The following DLGAP2 variants were observed in gnomAD, a reference collection of about 807,000 sequenced individuals.
The protein encoded by DLGAP2 is DLG associated protein 2.
Under a neutral mutation model 100.3 loss-of-function variants are expected in DLGAP2, and 26 were observed. The observed-to-expected ratio is 0.26, with a 90% CI of 0.19 to 0.36. The LOEUF (loss-of-function observed/expected upper bound fraction) is 0.36. Ranked by LOEUF, DLGAP2 falls within the 10% of genes least tolerant of loss-of-function variation. The probability of loss-of-function intolerance (pLI) is 1.00; values close to 1 mark genes in which losing one functional copy is unlikely to be tolerated. For synonymous variants in DLGAP2, 886 were observed against 630.1 expected (o/e 1.41, Z -6.08); for missense variants, 1,858 against 1,453.2 (o/e 1.28, Z -4.53).
At chr8:1,411,836 C>G (rs1290648263) in intron 3 of DLGAP2, among the ~76,000 whole-genome samples, 2 of 152,218 alleles carry the variant, frequency 1.3e-5, no homozygotes, top group Admixed American at 1.3e-4. Context: ...CTAATCAGCT[C>G]TGCCCTCATG....
chr8:1,358,222 C>T (rs7814654), intron 3 of DLGAP2, among the ~76,000 whole-genome samples: 13,680 of 152,126 alleles, frequency 0.09, 777 homozygotes, highest in East Asian at 0.22. Flanking sequence ...GAAGGGGCTG[C>T]GAAAGGTTTG....
intron 1 of DLGAP2, among the ~76,000 whole-genome samples, chr8:899,511 C>A (rs1199086881): frequency 6.6e-6 from 1 of 152,184 alleles, no homozygotes; most frequent in Non-Finnish European, 1.5e-5. Context: ...GAGTTCTGGT[C>A]CTGGCCTCTC....
chr8:1,588,495 C>A (rs1462574003), intron 6 of DLGAP2, among the ~76,000 whole-genome samples: 2 of 152,034 alleles, frequency 1.3e-5, no homozygotes, highest in Non-Finnish European at 2.9e-5. Flanking sequence ...CGTATGATGC[C>A]TAATTTATGA....
chr8:1,471,524 C>T (rs1798791044), intron 3 of DLGAP2, among the ~76,000 whole-genome samples: 1 of 146,216 alleles, frequency 6.8e-6, no homozygotes, highest in Non-Finnish European at 1.5e-5. Context: ...GCGATGCCCT[C>T]CCCTCCCCTC....
chr8:914,510 T>C (rs969018815), intron 2 of DLGAP2, among the ~76,000 whole-genome samples: 2 of 152,258 alleles, frequency 1.3e-5, no homozygotes, highest in African/African-American at 4.8e-5. Context: ...GGCTTGCTTC[T>C]AGCATGGATG....
At chr8:929,708 G>A (rs997980489) in intron 2 of DLGAP2, among the ~76,000 whole-genome samples, 6 of 117,582 alleles carry the variant, frequency 5.1e-5, no homozygotes, top group South Asian at 3.2e-4. Flanking sequence ...ATCCCACACC[G>A]CGGTACTCAA....
intron 2 of DLGAP2, among the ~76,000 whole-genome samples, chr8:1,000,412 G>A (rs373458586): frequency 2.7e-5 from 4 of 150,390 alleles, no homozygotes; most frequent in African/African-American, 4.9e-5. Context: ...CTTTTGCACC[G>A]GATTTTCTCT....
chr8:1,635,927 A>G (rs1797754978), intron 8 of DLGAP2, among the ~76,000 whole-genome samples: 2 of 152,200 alleles, frequency 1.3e-5, no homozygotes, highest in Non-Finnish European at 2.9e-5. Flanking sequence ...GATCGAGCTG[A>G]GACAGACCCT....
intron 2 of DLGAP2, among the ~76,000 whole-genome samples, chr8:1,208,655 G>T (rs1180693660): frequency 6.6e-6 from 1 of 151,972 alleles, no homozygotes; most frequent in African/African-American, 2.4e-5. Flanking sequence ...AAGAAATTAA[G>T]GGCATCCAAA....
At chr8:1,127,269 T>G (rs1796188852) in intron 2 of DLGAP2, among the ~76,000 whole-genome samples, 1 of 151,742 alleles carries the variant, frequency 6.6e-6, no homozygotes, top group Admixed American at 6.6e-5. Context: ...CTGGGCTCAT[T>G]GGGGTGACTC....
intron 8 of DLGAP2, among the ~76,000 whole-genome samples, chr8:1,659,333 A>G (rs1158423307): frequency 6.6e-6 from 1 of 152,106 alleles, no homozygotes; most frequent in Non-Finnish European, 1.5e-5. Flanking sequence ...TTTGGGGTAG[A>G]GAGTTCTGTA....
At chr8:1,130,087 GT>G (rs1796256387) in intron 2 of DLGAP2, among the ~76,000 whole-genome samples, 1 of 1,844 alleles carries the variant, frequency 5.4e-4, no homozygotes, top group African/African-American at 2.9e-3. Context: ...AAGGGATCGT[GT>G]CAGACACTTC....
chr8:1,509,324 C>T (rs1252107544), intron 4 of DLGAP2, among the ~76,000 whole-genome samples: 1 of 94,814 alleles, frequency 1.1e-5, no homozygotes, highest in African/African-American at 4.0e-5. Context: ...AGCAAGACTC[C>T]GTCCAAAAAA....
At chr8:1,549,725 C>T (rs1453628370) in intron 5 of DLGAP2, 42 bp downstream of exon 5, 2 of 1,486,904 alleles carry the variant, frequency 1.3e-6, no homozygotes, top group African/African-American at 1.4e-5. Context: ...CTCGGCACAG[C>T]AGGTGGTATT....
chr8:1,264,540 G>T (rs762819436), intron 3 of DLGAP2, among the ~76,000 whole-genome samples: 2 of 152,100 alleles, frequency 1.3e-5, no homozygotes, highest in Non-Finnish European at 2.9e-5. Flanking sequence ...TGTTGCAGAA[G>T]GACCACATGA....
intron 2 of DLGAP2, among the ~76,000 whole-genome samples, chr8:1,249,205 C>T (rs1268009596): frequency 1.3e-5 from 2 of 152,126 alleles, no homozygotes; most frequent in African/African-American, 4.8e-5. Flanking sequence ...AAGAACTCCA[C>T]AGGCTCAGAA....
At chr8:1,503,592 C>G (rs1477456965) in intron 4 of DLGAP2, among the ~76,000 whole-genome samples, 2 of 152,064 alleles carry the variant, frequency 1.3e-5, no homozygotes, top group African/African-American at 4.8e-5. Flanking sequence ...GCAGCTCTCT[C>G]TCCACGTCAC....
rs145416061 is a variant in DLGAP2, at chr8:1,177,369, C to A, written c.74-81482C>A. On this transcript the variant is annotated intron_variant, in intron 2 of 14. Transcript: ENST00000637795. The stretch of plus-strand genomic sequence containing the variant: ...GGCTGTTTTATCAGGTTTACCAGAT[C>A]GAAAAATGTGTGGTCTCCTGGCCCG... 2.6e-3 allele frequency among the ~76,000 whole-genome samples: 396 copies of A among 152,148 alleles called. 1 individual carries two copies. The highest frequency in any genetic ancestry group is 0.01 in the South Asian group (48 of 4,796).
chr8:1,287,905 GGTTTT>G (rs1257339665), intron 3 of DLGAP2, among the ~76,000 whole-genome samples: 12 of 140,202 alleles, frequency 8.6e-5, no homozygotes, highest in African/African-American at 2.5e-4. Flanking sequence ...GTGTGTGTGT[GGTTTT>G]GTTAGGAGGG....
Sources: allele counts gnomAD v4.1 joint callset (sites outside exome capture counted in the v4.1 genomes callset), GRCh38; gene constraint gnomAD v4.1.1; transcripts MANE v1.5; gene names NCBI Gene and HGNC (gene_info 2026-07-23, HGNC 2026-07-21).